The following L3HYPDH variants were observed in gnomAD, a reference collection of about 807,000 sequenced individuals.
The protein encoded by L3HYPDH is trans-L-3-hydroxyproline dehydratase, also known as trans-3-hydroxy-L-proline dehydratase.
Under a neutral mutation model 26.5 loss-of-function variants are expected in L3HYPDH, and 32 were observed. The ratio of observed to expected loss-of-function variants is 1.21; its 90% confidence interval spans 0.91 to 1.62. L3HYPDH has a LOEUF of 1.62. L3HYPDH is among the 40% of genes most tolerant of loss of function. L3HYPDH has a pLI of 0.00. For synonymous variants in L3HYPDH, 215 were observed against 196.6 expected (o/e 1.09, Z -0.78); for missense variants, 554 against 476.4 (o/e 1.16, Z -1.52).
At chr14:59,487,835 A>C, upstream of L3HYPDH, 7 of 1,612,452 alleles carry the variant, frequency 4.3e-6, no homozygotes, top group Non-Finnish European at 5.9e-6. Context: ...AGAGGTTAGC[A>C]CATTTCTATG....
the L3HYPDH span, among the ~76,000 whole-genome samples, chr14:59,492,529 C>T: frequency 3.9e-5 from 6 of 152,176 alleles, no homozygotes; most frequent in African/African-American, 1.4e-4. Flanking sequence ...GAAAGCCAAA[C>T]CATGGTATCC....
chr14:59,467,727 C>T (rs1410711560), downstream of L3HYPDH, among the ~76,000 whole-genome samples: 2 of 152,184 alleles, frequency 1.3e-5, no homozygotes, highest in Non-Finnish European at 2.9e-5. Flanking sequence ...GCCAGTGGCA[C>T]ATCAAATGGG....
At chr14:59,485,517 C>CT (rs1890482789), upstream of L3HYPDH, 1 of 165,192 alleles carries the variant, frequency 6.1e-6, no homozygotes, top group Admixed American at 6.4e-5. Context: ...AGAGAAGGCA[C>CT]TGTAGACCAG....
At chr14:59,471,625 C>T (rs901678608), downstream of L3HYPDH, among the ~76,000 whole-genome samples, 1 of 152,176 alleles carries the variant, frequency 6.6e-6, no homozygotes, top group Admixed American at 6.5e-5. Context: ...CTACCCCCTA[C>T]CCTGATGGCC....
chr14:59,485,798 A>G (rs144994231), upstream of L3HYPDH: 2,345 of 152,334 alleles, frequency 0.015, 34 homozygotes, highest in Non-Finnish European at 0.026. Flanking sequence ...TTGTATTTTT[A>G]GTAGAGACGG....
chr14:59,490,213 T>C, the L3HYPDH span, among the ~76,000 whole-genome samples: 1 of 152,198 alleles, frequency 6.6e-6, no homozygotes, highest in South Asian at 2.1e-4. Flanking sequence ...TGAGCCACCA[T>C]GCCCAGCCAC....
upstream of L3HYPDH, among the ~76,000 whole-genome samples, chr14:59,486,455 C>T (rs1411139079): frequency 6.6e-6 from 1 of 152,136 alleles, no homozygotes; most frequent in Non-Finnish European, 1.5e-5. Context: ...GCTTTGAGTC[C>T]TGGAGATAGA....
At chr14:59,468,625 C>T (rs927522239), downstream of L3HYPDH, among the ~76,000 whole-genome samples, 2 of 152,126 alleles carry the variant, frequency 1.3e-5, no homozygotes, top group African/African-American at 2.4e-5. Flanking sequence ...TAATTTTTTG[C>T]GTGATTATCT....
chr14:59,487,611 T>C, upstream of L3HYPDH: 1 of 1,226,442 alleles, frequency 8.2e-7, no homozygotes, highest in Admixed American at 1.7e-5. Flanking sequence ...TAGAATGATT[T>C]GGGGGGGTGT....
the L3HYPDH span, among the ~76,000 whole-genome samples, chr14:59,497,095 C>T: frequency 6.7e-6 from 1 of 149,680 alleles, no homozygotes. Context: ...GGCTGTTTTT[C>T]CCAATGTATA....
At position 59,484,358 on chromosome 14, in the gene L3HYPDH, C is replaced by A; in HGVS notation, c.-42G>T. The A allele has an allele frequency of 6.5e-7, 1 of 1,539,420 alleles. No individual in the cohort carries two copies. Reference sequence around the variant, plus strand: ...GACGAGTACGGTCCCGCAGCTATGGCTTCAAGCCCGACCCTCACCCACTGA... The same window carrying A: ...GACGAGTACGGTCCCGCAGCTATGGATTCAAGCCCGACCCTCACCCACTGA... On this transcript the variant is annotated 5_prime_UTR_variant, in exon 1 of 5. Coordinates refer to ENST00000247194, the MANE Select transcript of L3HYPDH (RefSeq NM_144581.2).
rs780406199 is a variant in L3HYPDH, at chr14:59,483,796, T to C, written c.508+13A>G. ...GCAGCTCTGCCCTGGGCTGGAAAGG[T>C]CCCGCCCATTACCTGTGGCCAGCAC... On this transcript the variant is annotated intron_variant, in intron 1 of 4. Coordinates refer to ENST00000247194, the MANE Select transcript of L3HYPDH (RefSeq NM_144581.2). 1.9e-6 allele frequency: 3 copies of C among 1,590,346 alleles called. No individual in the cohort carries two copies. The highest frequency in any genetic ancestry group is 1.3e-5 in the African/African-American group (1 of 74,826).
the L3HYPDH span, chr14:59,504,347 A>G: frequency 2.6e-6 from 1 of 385,518 alleles, no homozygotes; most frequent in Non-Finnish European, 4.6e-6. Context: ...GCTGTTCTTT[A>G]GGGCAAAATC....
upstream of L3HYPDH, among the ~76,000 whole-genome samples, chr14:59,486,273 A>G (rs17255794): frequency 0.041 from 6,317 of 152,326 alleles, 146 homozygotes; most frequent in Non-Finnish European, 0.044. Flanking sequence ...GTGTTCTGTT[A>G]TGAACATAGG....
chr14:59,495,136 A>G, the L3HYPDH span: 1 of 1,613,762 alleles, frequency 6.2e-7, no homozygotes, highest in Non-Finnish European at 8.5e-7. Context: ...TCGAGTATTG[A>G]TGCTTTCTGA....
the L3HYPDH span, chr14:59,495,136 A>T: frequency 6.2e-7 from 1 of 1,613,644 alleles, no homozygotes; most frequent in Non-Finnish European, 8.5e-7. Context: ...TCGAGTATTG[A>T]TGCTTTCTGA....
In L3HYPDH at chr14:59,482,929, T is replaced by C. The variant is rs375442140; in HGVS notation, c.508+880A>G. On this transcript the variant is annotated intron_variant, in intron 1 of 4. Transcript: ENST00000247194. Reference sequence around the variant, plus strand: ...ATAGAATTCAGCTCCTGGGAGGTAGTAGTCTGATGAGAAACCAGATGCCAG... The same window carrying C: ...ATAGAATTCAGCTCCTGGGAGGTAGCAGTCTGATGAGAAACCAGATGCCAG... 2.0e-4 allele frequency among the ~76,000 whole-genome samples: 31 copies of C among 152,338 alleles called. No individual in the cohort carries two copies. In the East Asian group the frequency reaches 6.0e-3, roughly 29 times the overall value.
At chr14:59,480,918 T>C (rs1353266319) in intron 1 of L3HYPDH, among the ~76,000 whole-genome samples, 1 of 152,196 alleles carries the variant, frequency 6.6e-6, no homozygotes, top group South Asian at 2.1e-4. Context: ...AGATCAGCAC[T>C]TACCAGGAGA....
At position 59,484,391 on chromosome 14, in the gene L3HYPDH, G is replaced by A. The variant is rs2139843871; in HGVS notation, c.-75C>T. 11 of 1,466,548 alleles carry A rather than the reference G, an allele frequency of 7.5e-6. No homozygotes were observed. Among genetic ancestry groups the A allele is most frequent in the Non-Finnish European group, 9.2e-6 (10 of 1,086,030 alleles). The allele number at this position is 1,466,548 out of a possible 1,614,324, so 90.8% of individuals were successfully genotyped here. A position where few individuals can be genotyped will look rare whatever the true frequency, so the allele number is the denominator to read the frequency against. The stretch of plus-strand genomic sequence containing the variant: ...CCGACCCTCACCCACTGACTCCGCG[G>A]GAGGAGGGCGGGACGCTAACCAGCC... On this transcript the variant is annotated 5_prime_UTR_variant, in exon 1 of 5. Transcript: ENST00000247194.
Sources: allele counts gnomAD v4.1 joint callset (sites outside exome capture counted in the v4.1 genomes callset), GRCh38; gene constraint gnomAD v4.1.1; transcripts MANE v1.5; gene names NCBI Gene and HGNC (gene_info 2026-07-23, HGNC 2026-07-21).